Variants in PRR4 observed in about 807,000 individuals in gnomAD.
PRR4 encodes the protein proline-rich protein 4.
A neutral mutation model predicts 7.6 loss-of-function variants in PRR4; 7 were observed. The observed-to-expected ratio is 0.92, with a 90% CI of 0.52 to 1.73. PRR4 has a LOEUF of 1.73. PRR4 is among the 40% of genes most tolerant of loss of function. The pLI is 0.00. For synonymous variants in PRR4, 64 were observed against 58.5 expected (o/e 1.09, Z -0.43); for missense variants, 187 against 161.0 (o/e 1.16, Z -0.87).
chr12:10,847,001 G>A, intron 3 of PRR4, 44 bp downstream of exon 3: 1 of 1,445,414 alleles, frequency 6.9e-7, no homozygotes, highest in Non-Finnish European at 9.3e-7. Context: ...GTTTGGGAAT[G>A]GTAGCAGTTT....
intron 2 of PRR4, among the ~76,000 whole-genome samples, chr12:10,847,961 G>A (rs10734841): frequency 1.3e-5 from 2 of 152,062 alleles, no homozygotes; most frequent in Admixed American, 6.5e-5. Flanking sequence ...CATTCATGCA[G>A]TGATTTTTTT....
rs370496314 is a variant in PRR4 at position 10,848,417 on chromosome 12, G to T, written c.65-10C>A. On this transcript the variant is annotated splice_polypyrimidine_tract_variant and intron_variant, in intron 1 of 3. Transcript: ENST00000228811. ...TCTTCATAGTTCACATCTAGGAAAA[G>T]AAGCACAGGATGAAGTGAACATTAC... 6.8e-6 allele frequency: 11 copies of T among 1,610,936 alleles called. No homozygotes were observed. Among genetic ancestry groups the T allele is most frequent in the Middle Eastern group, 1.6e-4 (1 of 6,082 alleles).
At chr12:10,848,086 C>T (rs2135739442) in intron 2 of PRR4, among the ~76,000 whole-genome samples, 1 of 152,272 alleles carries the variant, frequency 6.6e-6, no homozygotes, top group South Asian at 2.1e-4. Flanking sequence ...ATTTGTTCAT[C>T]ATCTCTCAGC....
chr12:10,848,773 C>A, intron 1 of PRR4: 1 of 218,086 alleles, frequency 4.6e-6, no homozygotes, highest in Non-Finnish European at 8.9e-6. Flanking sequence ...AGAGGAGCAA[C>A]CAGGAGTAAA....
At position 10,849,348 on chromosome 12, in the gene PRR4, C is replaced by CT. The variant is rs776354046; in HGVS notation, c.64+25dup. Reference sequence around the variant, plus strand: ...GGCCCCTCATCCCACTCCCCATCTCCTTTTTTAAAAAAATAATTTTTTTAC... The same window carrying CT: ...GGCCCCTCATCCCACTCCCCATCTCCTTTTTTTAAAAAAATAATTTTTTTAC... On this transcript the variant is annotated intron_variant, in intron 1 of 3. Coordinates refer to ENST00000228811, the MANE Select transcript of PRR4 (RefSeq NM_007244.3). The CT allele has an allele frequency of 2.7e-5, 42 of 1,529,944 alleles. 1 individual carries two copies. Among genetic ancestry groups the CT allele is most frequent in the Middle Eastern group, 1.8e-4 (1 of 5,624 alleles). The allele number at this position is 1,529,944 out of a possible 1,614,324, so 94.8% of individuals were successfully genotyped here. A position where few individuals can be genotyped will look rare whatever the true frequency, so the allele number is the denominator to read the frequency against.
chr12:10,849,392 C>G lies in PRR4; in HGVS notation c.46G>C (p.Ala16Pro). 1 of 1,604,808 alleles carries G rather than the reference C, an allele frequency of 6.2e-7. No individual in the cohort carries two copies. The highest frequency in any genetic ancestry group is 8.5e-7 in the Non-Finnish European group (1 of 1,175,866). Residue 16 changes from alanine (A) to proline (P), a missense_variant, in exon 1 of 4, where the codon GCT becomes CCT. By Grantham distance (27) the Ala-to-Pro change is conservative (BLOSUM62 -1). Coordinates refer to ENST00000228811, the MANE Select transcript of PRR4 (RefSeq NM_007244.3). ...TTTTTACCATTATCTGTGCTCTGAG[C>G]TGAGCTCAGAGCCAGAAGGACCACT... ...LSVVLLALSS[A>P]QSTDNDVNYE...
intron 2 of PRR4, 124 bp from the exon 3 acceptor site, chr12:10,847,491 T>G (rs1220044840): frequency 3.2e-6 from 2 of 618,062 alleles, no homozygotes; most frequent in African/African-American, 3.7e-5. Context: ...GACTGTCAAC[T>G]TCTTTTGTGC....
chr12:10,847,963 G>A (rs1949043549), intron 2 of PRR4, among the ~76,000 whole-genome samples: 1 of 152,204 alleles, frequency 6.6e-6, no homozygotes, highest in Non-Finnish European at 1.5e-5. Context: ...TTCATGCAGT[G>A]ATTTTTTTGT....
At chr12:10,846,068 AT>A (rs1169658857) in intron 3 of PRR4, 118 bp from the exon 4 acceptor site, 4 of 687,500 alleles carry the variant, frequency 5.8e-6, no homozygotes, top group East Asian at 6.7e-5. Flanking sequence ...AAGAAAACAG[AT>A]TTTTTTATGG....
At chr12:10,847,411 G>T (rs1399413478) in intron 2 of PRR4, 44 bp from the exon 3 acceptor site, 4 of 1,393,722 alleles carry the variant, frequency 2.9e-6, no homozygotes, top group African/African-American at 2.9e-5. Context: ...GCTCAGTGAA[G>T]AAAAACTCTC....
At chr12:10,846,733 C>T (rs55883403) in intron 3 of PRR4, among the ~76,000 whole-genome samples, 5,811 of 152,136 alleles carry the variant, frequency 0.038, 375 homozygotes, top group African/African-American at 0.13. Flanking sequence ...AGAAGGCAGA[C>T]TCAAAGACAG....
intron 3 of PRR4, among the ~76,000 whole-genome samples, chr12:10,846,298 C>T (rs960065896): frequency 8.6e-5 from 13 of 151,846 alleles, no homozygotes; most frequent in South Asian, 2.1e-4. Context: ...TATAGGTCTC[C>T]GTGAAATGAT....
chr12:10,846,028 T>C, intron 3 of PRR4, 78 bp from the exon 4 acceptor site: 1 of 975,436 alleles, frequency 1.0e-6, no homozygotes, highest in Non-Finnish European at 1.4e-6. Context: ...CTTGATGATA[T>C]TACTGAAGTA....
Position 10,847,158 on chromosome 12 carries a change from G to A in PRR4, c.310C>T (p.Leu104=). The change falls in exon 3 of 4, where the codon CTA becomes TTA. Residue 104 remains leucine, a synonymous_variant. Transcript: ENST00000228811. ...AGGCTGACAGAAGGAAATCGGGGTA[G>A]AGAGAGTTGACGGTGTCCTCGTCGG... The part of the protein sequence containing the change: ...PPRRGHRQLS[L]PRFPSVSLQE... The A allele has an allele frequency of 6.2e-7, 1 of 1,613,768 alleles. No individual in the cohort carries two copies. The highest frequency in any genetic ancestry group is 8.5e-7 in the Non-Finnish European group (1 of 1,179,788).
At chr12:10,846,770 A>G (rs1949023239) in intron 3 of PRR4, among the ~76,000 whole-genome samples, 1 of 152,092 alleles carries the variant, frequency 6.6e-6, no homozygotes, top group Non-Finnish European at 1.5e-5. Flanking sequence ...GGGAGAGCAC[A>G]CCCCACTTCC....
chr12:10,847,900 C>G (rs546122730), intron 2 of PRR4, among the ~76,000 whole-genome samples: 52 of 152,242 alleles, frequency 3.4e-4, no homozygotes, highest in African/African-American at 1.0e-3. Context: ...GCTGTGGCAA[C>G]TATTTATCAT....
At chr12:10,846,811 C>A (rs2135737346) in intron 3 of PRR4, among the ~76,000 whole-genome samples, 1 of 152,242 alleles carries the variant, frequency 6.6e-6, no homozygotes, top group South Asian at 2.1e-4. Context: ...TGAGACAAGT[C>A]ATCTTAAGAA....
At chr12:10,849,346 T>A (rs1395388483) in intron 1 of PRR4, 28 bp downstream of exon 1, 1 of 1,504,372 alleles carries the variant, frequency 6.6e-7, no homozygotes, top group South Asian at 1.2e-5. Flanking sequence ...ACTCCCCATC[T>A]CCTTTTTTAA....
intron 3 of PRR4, 160 bp downstream of exon 3, chr12:10,846,885 A>G: frequency 1.6e-6 from 1 of 639,170 alleles, no homozygotes; most frequent in East Asian, 3.1e-5. Flanking sequence ...TAAAAATACA[A>G]GGACTTGCAA....
Sources: gnomAD v4.1 joint callset for allele counts (sites outside exome capture counted in the v4.1 genomes callset) on GRCh38, gnomAD v4.1.1 for gene constraint, MANE v1.5 for transcripts, NCBI Gene and HGNC (gene_info 2026-07-23, HGNC 2026-07-21) for gene names.